The following NFAT5 variants were observed in gnomAD, a reference collection of about 807,000 sequenced individuals.
NFAT5 encodes the protein nuclear factor of activated T cells 5, also known as nuclear factor of activated T-cells 5.
In NFAT5, 31 loss-of-function variants were observed where a neutral mutation model predicts 166.5. The ratio of observed to expected loss-of-function variants is 0.19; its 90% CI spans 0.14 to 0.25. The LOEUF is 0.25. NFAT5 is among the 10% of genes least tolerant of loss of function. NFAT5 has a pLI of 1.00. For synonymous variants in NFAT5, 612 were observed against 639.7 expected (o/e 0.96, Z 0.65); for missense variants, 1,449 against 1,821.8 (o/e 0.80, Z 3.72).
chr16:69,677,948 T>A (rs926306126), intron 10 of NFAT5, among the ~76,000 whole-genome samples: 1 of 151,540 alleles, frequency 6.6e-6, no homozygotes, highest in Admixed American at 6.6e-5. Context: ...AGGTCAGGGG[T>A]TTGAGATGAG....
intron 2 of NFAT5, among the ~76,000 whole-genome samples, chr16:69,577,033 A>G (rs1162720561): frequency 6.6e-6 from 1 of 152,212 alleles, no homozygotes; most frequent in Non-Finnish European, 1.5e-5. Context: ...AATAGTACTA[A>G]TGTGAGCTAT....
rs2037224577 is a variant in NFAT5, at chr16:69,684,896, G to T, written c.1700G>T (p.Gly567Val). 1 of 1,603,432 alleles carries T rather than the reference G, an allele frequency of 6.2e-7. No homozygotes were observed. Among genetic ancestry groups the T allele is most frequent in the South Asian group, 1.1e-5 (1 of 89,214 alleles). ...FTYTPDPAAA[G>V]ALNVNVKKEI... ...ATCTTTTTTTTAATAGCAGCAGCTG[G>T]TGCTTTGAATGTAAATGTGAAGAAG... The change falls in exon 11 of 15, where the codon GGT becomes GTT. Residue 567 changes from glycine to valine, a missense_variant. This residue lies in a region of NFAT5 where 245 missense variants were observed against 366.6 expected (regional missense o/e 0.67). Coordinates refer to ENST00000349945, the MANE Select transcript of NFAT5 (RefSeq NM_138713.4).
In NFAT5 at chr16:69,593,351, T is replaced by A. The variant is rs552496283; in HGVS notation, c.127+24803T>A. 2.4e-4 allele frequency among the ~76,000 whole-genome samples: 36 copies of A among 152,296 alleles called. No homozygotes were observed. The East Asian group carries it at 3.3e-3, about 14-fold the overall frequency. ...CTTCTTTTTTAAAAAAAAATTTTTT[T>A]AATTTTAAGACAGGGTCTCACTCTG... is the stretch of plus-strand genomic sequence containing the variant. On this transcript the variant is annotated intron_variant, in intron 2 of 14. Coordinates refer to ENST00000349945, the MANE Select transcript of NFAT5 (RefSeq NM_138713.4).
chr16:69,687,506 G>A (rs1004346012), intron 11 of NFAT5, among the ~76,000 whole-genome samples: 17 of 150,746 alleles, frequency 1.1e-4, no homozygotes, highest in East Asian at 1.9e-4. Flanking sequence ...GCATATGGCC[G>A]TAGAAGGACT....
At chr16:69,659,582 C>T (rs1413700500) in intron 6 of NFAT5, 145 bp from the exon 7 acceptor site, 1 of 520,234 alleles carries the variant, frequency 1.9e-6, no homozygotes, top group Non-Finnish European at 3.2e-6. Context: ...CCCTTTTGTA[C>T]TTTTTGAACT....
chr16:69,686,399 TATC>T (rs2037306079), intron 11 of NFAT5, among the ~76,000 whole-genome samples: 1 of 152,048 alleles, frequency 6.6e-6, no homozygotes, highest in Non-Finnish European at 1.5e-5. Flanking sequence ...GGCATGCACT[TATC>T]ATCCTAGCTA....
intron 2 of NFAT5, among the ~76,000 whole-genome samples, chr16:69,610,615 T>C (rs2033662519): frequency 6.6e-6 from 1 of 152,222 alleles, no homozygotes; most frequent in Non-Finnish European, 1.5e-5. Context: ...CCAGCTATTC[T>C]CCTGCCTGGG....
intron 2 of NFAT5, 102 bp from the exon 3 acceptor site, chr16:69,626,301 G>C: frequency 9.3e-7 from 1 of 1,078,710 alleles, no homozygotes; most frequent in Non-Finnish European, 1.3e-6. Flanking sequence ...GAATAATACA[G>C]TTCTCCTCAT....
At chr16:69,645,609 C>G (rs1281064929) in intron 3 of NFAT5, among the ~76,000 whole-genome samples, 1 of 152,088 alleles carries the variant, frequency 6.6e-6, no homozygotes, top group Non-Finnish European at 1.5e-5. Flanking sequence ...GACATTCTTA[C>G]ATTTTGCTCT....
chr16:69,587,397 C>CT (rs1235074840), intron 2 of NFAT5, among the ~76,000 whole-genome samples: 12 of 149,856 alleles, frequency 8.0e-5, no homozygotes, highest in East Asian at 5.9e-4. Context: ...AATTTCTCTT[C>CT]TTTTTTTTTG....
chr16:69,659,286 A>G (rs1377733705), intron 6 of NFAT5, among the ~76,000 whole-genome samples: 1 of 151,934 alleles, frequency 6.6e-6, no homozygotes, highest in Non-Finnish European at 1.5e-5. Flanking sequence ...TACTAAAAAT[A>G]CAAAAAATAG....
At chr16:69,645,494 C>T (rs949469537) in intron 3 of NFAT5, among the ~76,000 whole-genome samples, 3 of 152,012 alleles carry the variant, frequency 2.0e-5, no homozygotes, top group Admixed American at 6.6e-5. Flanking sequence ...ATGAAGAATT[C>T]TGGGTGGATA....
rs984380403 is a variant in NFAT5 at position 69,699,242 on chromosome 16, T to C, written c.*2891T>C. On this transcript the variant is annotated 3_prime_UTR_variant, in exon 15 of 15. Coordinates refer to ENST00000349945, the MANE Select transcript of NFAT5 (RefSeq NM_138713.4). ...GTGGCGACTGGCTTGTGTGCTGACT[T>C]CTGTGGTTTAGCAAGAGGTTTATTG... is the stretch of plus-strand genomic sequence containing the variant. 2.6e-5 allele frequency: 4 copies of C among 153,094 alleles called. No individual in the cohort carries two copies. Among genetic ancestry groups the C allele is most frequent in the African/African-American group, 9.6e-5 (4 of 41,454 alleles). The allele number at this position is 153,094 out of a possible 1,614,324, so 9.5% of individuals were successfully genotyped here. A position where few individuals can be genotyped will look rare whatever the true frequency, so the allele number is the denominator to read the frequency against.
chr16:69,684,773 T>G (rs2037218575), intron 10 of NFAT5, 114 bp from the exon 11 acceptor site: 1 of 692,212 alleles, frequency 1.4e-6, no homozygotes, highest in Non-Finnish European at 2.3e-6. Context: ...GAATTTCTGC[T>G]AAATAAATAA....
Position 69,684,961 on chromosome 16 carries a change from G to T in NFAT5, c.1765G>T (p.Ala589Ser), listed in dbSNP as rs1597550230. 2 of 1,608,188 alleles carry T rather than the reference G, an allele frequency of 1.2e-6. No individual in the cohort carries two copies. The highest frequency in any genetic ancestry group is 1.1e-5 in the South Asian group (1 of 90,032). ...SPARPCSFEE[A>S]MKAMKTTGCN... ...AGCAAGACCTTGCTCTTTTGAAGAG[G>T]CCATGAAAGGTACCAAGTAAATTCT... Residue 589 changes from alanine to serine, a missense_variant, in exon 11 of 15, where the codon GCC (alanine) becomes TCC (serine). Transcript: ENST00000349945.
At position 69,701,314 on chromosome 16, in the gene NFAT5, G is replaced by A. The variant is rs2037894800; in HGVS notation, c.*4963G>A. On this transcript the variant is annotated 3_prime_UTR_variant, in exon 15 of 15. Transcript: ENST00000349945. ...TAGCCTCATTTATTAATAAAATTAT[G>A]TTTTTACTTTCTCTTTCAGGAAATT... 1 of 152,228 alleles carries A rather than the reference G, an allele frequency of 6.6e-6. No homozygotes were observed. Among genetic ancestry groups the A allele is most frequent in the Admixed American group, 6.6e-5 (1 of 15,240 alleles). 9.4% of individuals were successfully genotyped at this position (152,228 alleles called of 1,614,324 possible). A position where few individuals can be genotyped will look rare whatever the true frequency, so the allele number is the denominator to read the frequency against.
At chr16:69,608,439 C>T (rs185385021) in intron 2 of NFAT5, among the ~76,000 whole-genome samples, 24 of 151,856 alleles carry the variant, frequency 1.6e-4, no homozygotes, top group Non-Finnish European at 4.4e-5. Flanking sequence ...CTAGCTCTAC[C>T]ACTTCAACTT....
intron 2 of NFAT5, among the ~76,000 whole-genome samples, chr16:69,625,640 C>G (rs2034422013): frequency 6.6e-6 from 1 of 151,392 alleles, no homozygotes; most frequent in Admixed American, 6.6e-5. Flanking sequence ...AATATTTTCT[C>G]AAGGGTGTTG....
chr16:69,581,473 T>C (rs1329764302), intron 2 of NFAT5, among the ~76,000 whole-genome samples: 10 of 152,198 alleles, frequency 6.6e-5, no homozygotes, highest in Non-Finnish European at 1.5e-4. Context: ...AGTGGAATTA[T>C]TGGGTCATAT....
Sources: gnomAD v4.1 joint callset for allele counts (sites outside exome capture counted in the v4.1 genomes callset) on GRCh38, gnomAD v4.1.1 for gene constraint, gnomAD v4.1.1 regional missense constraint, MANE v1.5 for transcripts, NCBI Gene and HGNC (gene_info 2026-07-23, HGNC 2026-07-21) for gene names.